Variants in PPARGC1A observed in about 807,000 individuals in gnomAD.
PPARGC1A encodes the protein peroxisome proliferator-activated receptor gamma coactivator 1-alpha.
In PPARGC1A, 25 loss-of-function variants were observed where a neutral mutation model predicts 88.7. The ratio of observed to expected loss-of-function variants is 0.28; its 90% confidence interval spans 0.21 to 0.39. The LOEUF (loss-of-function observed/expected upper bound fraction) is 0.39. PPARGC1A is among the 10% of genes least tolerant of loss of function. PPARGC1A has a pLI of 1.00. For missense variants in PPARGC1A, 880 were observed against 968.7 expected (o/e 0.91, Z 1.22); for synonymous variants, 363 against 355.6 (o/e 1.02, Z -0.24).
intron 10 of PPARGC1A, among the ~76,000 whole-genome samples, chr4:23,804,546 G>T (rs193094559): frequency 6.6e-6 from 1 of 152,160 alleles, no homozygotes; most frequent in South Asian, 2.1e-4. Flanking sequence ...ATCCAATGAC[G>T]TCCATTAACT....
the PPARGC1A span, among the ~76,000 whole-genome samples, chr4:24,027,686 G>A: frequency 6.6e-6 from 1 of 152,102 alleles, no homozygotes; most frequent in South Asian, 2.1e-4. Flanking sequence ...AGAATTCAAT[G>A]AACAATGTGT....
the PPARGC1A span, among the ~76,000 whole-genome samples, chr4:23,986,484 A>G: frequency 1.3e-5 from 2 of 152,134 alleles, no homozygotes; most frequent in Non-Finnish European, 2.9e-5. Flanking sequence ...TTACGCAGTC[A>G]GCACTCTGAG....
chr4:24,383,298 GAAACC>G, the PPARGC1A span, among the ~76,000 whole-genome samples: 1 of 152,146 alleles, frequency 6.6e-6, no homozygotes, highest in African/African-American at 2.4e-5. Flanking sequence ...GACAATTCCG[GAAACC>G]AAAATGCCTC....
At chr4:23,879,741 C>T (rs954436709) in intron 2 of PPARGC1A, among the ~76,000 whole-genome samples, 3 of 152,166 alleles carry the variant, frequency 2.0e-5, no homozygotes, top group Admixed American at 6.5e-5. Context: ...TTACGACTGT[C>T]AGCATTATCA....
At chr4:24,412,558 G>A in the PPARGC1A span, among the ~76,000 whole-genome samples, 1 of 152,248 alleles carries the variant, frequency 6.6e-6, no homozygotes, top group Non-Finnish European at 1.5e-5. Flanking sequence ...TCCGCTCACT[G>A]CAACCTCCAC....
the PPARGC1A span, among the ~76,000 whole-genome samples, chr4:24,101,229 G>A: frequency 2.6e-5 from 4 of 152,124 alleles, no homozygotes; most frequent in African/African-American, 9.7e-5. Flanking sequence ...TTAAAAGTAT[G>A]TATCACCTTC....
chr4:23,947,352 GATATATATATATATATATAT>G, the PPARGC1A span, among the ~76,000 whole-genome samples: 73 of 75,850 alleles, frequency 9.6e-4, 2 homozygotes, highest in African/African-American at 4.4e-3. Flanking sequence ...GTTATATAGT[GATATATATATATATATATAT>G]ATATATATAT....
chr4:24,361,200 G>A, the PPARGC1A span, among the ~76,000 whole-genome samples: 8 of 152,228 alleles, frequency 5.3e-5, no homozygotes, highest in East Asian at 3.9e-4. Flanking sequence ...AGGACAGGGC[G>A]AGAGGTTTAG....
chr4:24,369,708 C>G, the PPARGC1A span, among the ~76,000 whole-genome samples: 1 of 152,172 alleles, frequency 6.6e-6, no homozygotes, highest in African/African-American at 2.4e-5. Flanking sequence ...ATAAATGCAG[C>G]AAGAAGAATT....
the PPARGC1A span, among the ~76,000 whole-genome samples, chr4:24,027,698 T>C: frequency 6.6e-6 from 1 of 152,148 alleles, no homozygotes; most frequent in Non-Finnish European, 1.5e-5. Flanking sequence ...ACAATGTGTA[T>C]GGAAATGATC....
chr4:23,910,509 C>T, the PPARGC1A span, among the ~76,000 whole-genome samples: 6 of 143,088 alleles, frequency 4.2e-5, no homozygotes, highest in South Asian at 2.1e-4. Flanking sequence ...GGCACAATCT[C>T]GGTTCACTGC....
chr4:24,290,441 T>TG, the PPARGC1A span, among the ~76,000 whole-genome samples: 1 of 152,190 alleles, frequency 6.6e-6, no homozygotes, highest in Non-Finnish European at 1.5e-5. Context: ...CTTTTCCTCC[T>TG]GCCTTAGCCT....
At chr4:24,333,248 G>GA in the PPARGC1A span, among the ~76,000 whole-genome samples, 3,571 of 145,998 alleles carry the variant, frequency 0.024, 97 homozygotes, top group East Asian at 0.12. Flanking sequence ...CATCTCAAAA[G>GA]AAAAAAAAAA....
At chr4:24,221,490 T>C in the PPARGC1A span, among the ~76,000 whole-genome samples, 2 of 152,210 alleles carry the variant, frequency 1.3e-5, no homozygotes, top group African/African-American at 4.8e-5. Context: ...CTCTTAGTCA[T>C]TCAACTGAAT....
chr4:23,926,992 GC>G, the PPARGC1A span, among the ~76,000 whole-genome samples: 1 of 152,236 alleles, frequency 6.6e-6, no homozygotes, highest in African/African-American at 2.4e-5. Context: ...ATACAGATGT[GC>G]CTTGACTGAC....
chr4:24,162,015 A>G, the PPARGC1A span, among the ~76,000 whole-genome samples: 2 of 144,366 alleles, frequency 1.4e-5, no homozygotes, highest in Non-Finnish European at 3.0e-5. Flanking sequence ...CACACACACC[A>G]TGGAATACTA....
chr4:24,104,018 A>C, the PPARGC1A span, among the ~76,000 whole-genome samples: 2 of 152,204 alleles, frequency 1.3e-5, no homozygotes, highest in African/African-American at 2.4e-5. Context: ...TGTGGCCCCT[A>C]TATTTAGCTC....
At chr4:24,469,686 C>G in the PPARGC1A span, among the ~76,000 whole-genome samples, 1 of 152,212 alleles carries the variant, frequency 6.6e-6, no homozygotes, top group Non-Finnish European at 1.5e-5. Context: ...TTCTTAGCAA[C>G]ATGAGTATCC....
the PPARGC1A span, among the ~76,000 whole-genome samples, chr4:24,078,284 A>T: frequency 6.6e-6 from 1 of 152,096 alleles, no homozygotes; most frequent in Non-Finnish European, 1.5e-5. Context: ...TGGCACTTTC[A>T]TGAGAGGCCT....
Sources: allele counts gnomAD v4.1 joint callset (sites outside exome capture counted in the v4.1 genomes callset), GRCh38; gene constraint gnomAD v4.1.1; transcripts MANE v1.5; gene names NCBI Gene and HGNC (gene_info 2026-07-23, HGNC 2026-07-21).